CEMIP: variants seen among roughly 807,000 people sequenced by gnomAD.
The protein encoded by CEMIP is cell migration-inducing and hyaluronan-binding protein.
In CEMIP, 105 loss-of-function variants were observed where a neutral mutation model predicts 156.9. The observed-to-expected ratio is 0.67, with a 90% CI of 0.57 to 0.79. The LOEUF (loss-of-function observed/expected upper bound fraction) is 0.79, where lower values mean the gene tolerates loss of function less well. Ranked by LOEUF, CEMIP falls within the 30% of genes least tolerant of loss-of-function variation. The pLI is 0.00. For missense variants in CEMIP, 1,457 were observed against 1,769.4 expected (o/e 0.82, Z 3.17); for synonymous variants, 676 against 668.4 (o/e 1.01, Z -0.17).
rs548127798 is a variant in CEMIP at position 80,877,761 on chromosome 15, A to G, written c.95-960A>G. Among the ~76,000 whole-genome samples, 16 of 152,312 alleles carry G rather than the reference A, an allele frequency of 1.1e-4. No individual in the cohort carries two copies. In the South Asian group the frequency reaches 2.7e-3, roughly 26 times the overall value. On this transcript the variant is annotated intron_variant, in intron 3 of 29. Transcript: ENST00000394685. The stretch of plus-strand genomic sequence containing the variant: ...AGAGGTCAGGGAGAAGTGCCTCTGC[A>G]ATACCCACCCCCGGTCTTTTTAGGC...
At chr15:80,929,317 C>T in intron 21 of CEMIP, 143 bp downstream of exon 21, 4 of 1,095,088 alleles carry the variant, frequency 3.7e-6, no homozygotes, top group Non-Finnish European at 4.1e-6. Flanking sequence ...GTGACTGAGA[C>T]TAACAATTAA....
intron 1 of CEMIP, among the ~76,000 whole-genome samples, chr15:80,826,541 G>A (rs934489920): frequency 3.3e-5 from 5 of 152,352 alleles, no homozygotes; most frequent in African/African-American, 9.6e-5. Flanking sequence ...TGATCAGAGC[G>A]AGTCTTGCAG....
chr15:80,805,353 G>A (rs1341814125), intron 1 of CEMIP, among the ~76,000 whole-genome samples: 1 of 152,332 alleles, frequency 6.6e-6, no homozygotes, highest in East Asian at 1.9e-4. Flanking sequence ...TATTTACAAA[G>A]CAGACATGCA....
chr15:80,902,519 G>A (rs1335404685), intron 12 of CEMIP, among the ~76,000 whole-genome samples: 6 of 152,172 alleles, frequency 3.9e-5, no homozygotes, highest in South Asian at 2.1e-4. Flanking sequence ...CAGTGAAGGC[G>A]GCAGCAGGAC....
At position 80,922,013 on chromosome 15, in the gene CEMIP, C is replaced by T; in HGVS notation, c.2078C>T (p.Thr693Ile). The change falls in exon 17 of 30, where the codon ACT becomes ATT. Residue 693 changes from threonine to isoleucine, a missense_variant. By Grantham distance (89) the Thr-to-Ile change is moderately conservative. Coordinates refer to ENST00000394685, the MANE Select transcript of CEMIP (RefSeq NM_001293298.2). ...CCTTGTGTCCTTCCCCAACAGGAAA[C>T]TGGATTTTGGTTTATTTTTCACCAC... The part of the protein sequence containing the change: ...INCAAAGSEE[T>I]GFWFIFHHVP... 6.2e-7 allele frequency: 1 copy of T among 1,614,224 alleles called. No homozygotes were observed. The highest frequency in any genetic ancestry group is 8.5e-7 in the Non-Finnish European group (1 of 1,180,032).
At chr15:80,859,091 G>T (rs1395922) in intron 1 of CEMIP, among the ~76,000 whole-genome samples, 3,436 of 151,928 alleles carry the variant, frequency 0.023, 122 homozygotes, top group African/African-American at 0.079. Flanking sequence ...CCTTTTTTTT[G>T]ACTTGGGTCA....
intron 12 of CEMIP, chr15:80,900,681 TTGTG>T (rs1168643189): frequency 3.4e-6 from 1 of 293,644 alleles, no homozygotes; most frequent in African/African-American, 2.6e-5. Flanking sequence ...TGTGTGTATT[TTGTG>T]TGTGTATTTT....
intron 6 of CEMIP, among the ~76,000 whole-genome samples, chr15:80,881,489 T>G (rs1377430052): frequency 8.6e-5 from 13 of 151,938 alleles, no homozygotes; most frequent in Admixed American, 8.5e-4. Flanking sequence ...AGCTGAGAAA[T>G]GAAGGGTGAG....
Position 80,788,480 on chromosome 15 carries a change from AAAAAAAG to A in CEMIP, c.-176+8886_-176+8892del, listed in dbSNP as rs1367766512. The stretch of plus-strand genomic sequence containing the variant: ...GAGTGAAACTCCATCTCAAAAAAAA[AAAAAAAG>A]AAAAAAGAAAAAAGAAAAAGAAAAA... On this transcript the variant is annotated intron_variant, in intron 1 of 29. Coordinates refer to ENST00000394685, the MANE Select transcript of CEMIP (RefSeq NM_001293298.2). 8.4e-4 allele frequency among the ~76,000 whole-genome samples: 128 copies of A among 151,738 alleles called. 1 individual carries two copies. The highest frequency in any genetic ancestry group is 6.8e-3 in the Middle Eastern group (2 of 292).
At chr15:80,809,400 C>T (rs1347843943) in intron 1 of CEMIP, among the ~76,000 whole-genome samples, 4 of 152,154 alleles carry the variant, frequency 2.6e-5, no homozygotes, top group East Asian at 3.8e-4. Flanking sequence ...CTATCTGAGA[C>T]GGAGTGCTGC....
At chr15:80,912,434 G>A (rs1900106752) in intron 14 of CEMIP, among the ~76,000 whole-genome samples, 2 of 152,224 alleles carry the variant, frequency 1.3e-5, no homozygotes, top group Admixed American at 1.3e-4. Flanking sequence ...CTAGGTGGCT[G>A]AGGTACCAGT....
chr15:80,919,978 A>G (rs1450891824), intron 14 of CEMIP, 116 bp from the exon 15 acceptor site: 7 of 938,888 alleles, frequency 7.5e-6, no homozygotes, highest in Non-Finnish European at 1.2e-5. Context: ...GAGACTATTT[A>G]GTGTTTGCTG....
At chr15:80,909,075 A>G in intron 13 of CEMIP, 22 bp from the exon 14 acceptor site, 2 of 1,611,352 alleles carry the variant, frequency 1.2e-6, no homozygotes, top group Non-Finnish European at 1.7e-6. Flanking sequence ...GGCTCCTCTG[A>G]CTCTCGGTTC....
chr15:80,877,216 T>A (rs1379523511), intron 3 of CEMIP, among the ~76,000 whole-genome samples: 1 of 152,136 alleles, frequency 6.6e-6, no homozygotes, highest in Non-Finnish European at 1.5e-5. Context: ...AAGATGAGAT[T>A]TGGGTGAGGA....
chr15:80,927,760 C>A (rs1263020823), intron 19 of CEMIP, among the ~76,000 whole-genome samples: 2 of 152,090 alleles, frequency 1.3e-5, no homozygotes, highest in African/African-American at 2.4e-5. Flanking sequence ...GGACCAGGAG[C>A]CTAGCACTGG....
At chr15:80,891,951 GT>G (rs1240636924) in intron 10 of CEMIP, among the ~76,000 whole-genome samples, 1 of 152,214 alleles carries the variant, frequency 6.6e-6, no homozygotes. Context: ...TTTTTAGCAG[GT>G]GACAAATGCA....
At chr15:80,866,520 G>A (rs561111640) in intron 1 of CEMIP, among the ~76,000 whole-genome samples, 3 of 152,094 alleles carry the variant, frequency 2.0e-5, no homozygotes, top group African/African-American at 7.2e-5. Flanking sequence ...GAACTCGGGA[G>A]GCAGAGGTTG....
At chr15:80,849,552 G>T (rs1333174884) in intron 1 of CEMIP, among the ~76,000 whole-genome samples, 1 of 152,116 alleles carries the variant, frequency 6.6e-6, no homozygotes, top group South Asian at 2.1e-4. Flanking sequence ...GTGACCTGAG[G>T]GTTCTCGGGC....
At chr15:80,858,605 A>C (rs1169810454) in intron 1 of CEMIP, among the ~76,000 whole-genome samples, 3 of 151,996 alleles carry the variant, frequency 2.0e-5, no homozygotes, top group African/African-American at 7.2e-5. Flanking sequence ...CATGCCTGTA[A>C]TACCAGCTAC....
Sources: allele counts gnomAD v4.1 joint callset (sites outside exome capture counted in the v4.1 genomes callset), GRCh38; gene constraint gnomAD v4.1.1; transcripts MANE v1.5; gene names NCBI Gene and HGNC (gene_info 2026-07-23, HGNC 2026-07-21).